Variants in THSD4 observed in about 807,000 individuals in gnomAD.
THSD4 encodes thrombospondin type 1 domain containing 4, also known as thrombospondin type-1 domain-containing protein 4.
In THSD4, 69 loss-of-function variants were observed where a neutral mutation model predicts 119.0. The ratio of observed to expected loss-of-function variants is 0.58; its 90% CI spans 0.48 to 0.71. The LOEUF (loss-of-function observed/expected upper bound fraction) is 0.71, where lower values mean the gene tolerates loss of function less well. Among genes scored for constraint, THSD4 ranks in the 30% least tolerant of loss-of-function variants. The probability of loss-of-function intolerance (pLI) is 0.00; values close to 1 mark genes in which losing one functional copy is unlikely to be tolerated. For missense variants in THSD4, 1,393 were observed against 1,391.1 expected, an observed-to-expected ratio of 1.00 and a Z score of -0.02; for synonymous variants, 524 against 540.4, an observed-to-expected ratio of 0.97 and a Z score of 0.42.
intron 6 of THSD4, among the ~76,000 whole-genome samples, chr15:71,280,358 A>G (rs2044637376): frequency 1.3e-5 from 2 of 152,182 alleles, no homozygotes; most frequent in South Asian, 4.1e-4. Context: ...GTTTGTAAGC[A>G]GGAGAGTAGT....
In THSD4 at chr15:71,559,397, A is replaced by G. The variant is rs374775898; in HGVS notation, c.1153-101133A>G. Among the ~76,000 whole-genome samples, 249 of 152,236 alleles carry G rather than the reference A, an allele frequency of 1.6e-3. 15 individuals are homozygous for G. In the South Asian group the frequency reaches 0.051, roughly 31 times the overall value. ...TTCTAATATCCAGAAATTCCTCAGA[A>G]TGTTTTATCTGGTAATCATATCCTT... is the stretch of plus-strand genomic sequence containing the variant. On this transcript the variant is annotated intron_variant, in intron 7 of 17. Transcript: ENST00000261862.
intron 7 of THSD4, among the ~76,000 whole-genome samples, chr15:71,588,235 G>A (rs1375229843): frequency 4.7e-5 from 7 of 149,988 alleles, no homozygotes; most frequent in Admixed American, 4.0e-4. Flanking sequence ...GAACCCGGGA[G>A]GCGGAGCTTG....
At chr15:71,147,783 A>T (rs2040677697) in intron 2 of THSD4, 1 of 152,070 alleles carries the variant, frequency 6.6e-6, no homozygotes, top group South Asian at 2.1e-4. Context: ...GGGCAACATG[A>T]TGAAACCCTG....
chr15:71,228,068 G>A (rs1240586467), intron 4 of THSD4, among the ~76,000 whole-genome samples: 1 of 152,118 alleles, frequency 6.6e-6, no homozygotes, highest in Non-Finnish European at 1.5e-5. Context: ...AGTCCTGGAG[G>A]CTGTAAATGC....
chr15:71,565,887 T>C (rs1374069630), intron 7 of THSD4, among the ~76,000 whole-genome samples: 1 of 152,138 alleles, frequency 6.6e-6, no homozygotes, highest in Admixed American at 6.6e-5. Context: ...TCTGAGGTGC[T>C]TAGAACAAAG....
intron 7 of THSD4, among the ~76,000 whole-genome samples, chr15:71,517,944 A>C (rs917147319): frequency 4.6e-5 from 7 of 152,234 alleles, no homozygotes; most frequent in African/African-American, 1.7e-4. Flanking sequence ...GAGGGAGGAA[A>C]GTGCTGTGTA....
intron 1 of THSD4, among the ~76,000 whole-genome samples, chr15:71,122,543 T>C (rs2040417257): frequency 6.6e-6 from 1 of 152,224 alleles, no homozygotes; most frequent in Admixed American, 6.5e-5. Flanking sequence ...TGAGCGCATA[T>C]ACGCATAATG....
chr15:71,488,634 A>C (rs2047861199), intron 7 of THSD4, among the ~76,000 whole-genome samples: 1 of 152,074 alleles, frequency 6.6e-6, no homozygotes, highest in Admixed American at 6.5e-5. Context: ...AGTTTAAGTA[A>C]ATTGTATTTT....
chr15:71,156,776 G>A (rs751212178), intron 3 of THSD4, among the ~76,000 whole-genome samples: 7 of 152,238 alleles, frequency 4.6e-5, no homozygotes, highest in Admixed American at 3.3e-4. Flanking sequence ...TGTCAACTCC[G>A]TGAAAGTAGG....
intron 7 of THSD4, among the ~76,000 whole-genome samples, chr15:71,522,780 T>G (rs2048461698): frequency 6.6e-6 from 1 of 152,220 alleles, no homozygotes; most frequent in Non-Finnish European, 1.5e-5. Context: ...AAGGTGTCAG[T>G]GGCAGAGTTT....
At chr15:71,238,778 T>A (rs2044127502) in intron 4 of THSD4, among the ~76,000 whole-genome samples, 1 of 152,248 alleles carries the variant, frequency 6.6e-6, no homozygotes, top group Non-Finnish European at 1.5e-5. Flanking sequence ...TATATACAAA[T>A]GTATGTTTTC....
chr15:71,361,165 T>C (rs181884401), intron 6 of THSD4, among the ~76,000 whole-genome samples: 122 of 152,296 alleles, frequency 8.0e-4, no homozygotes, highest in African/African-American at 2.6e-3. Context: ...TGGACTTGAT[T>C]CTGTAGGTAA....
chr15:71,571,409 G>A (rs11072302), intron 7 of THSD4, among the ~76,000 whole-genome samples: 112,033 of 151,908 alleles, frequency 0.74, 41,895 homozygotes, highest in East Asian at 0.91. Flanking sequence ...CCCTTTGCCT[G>A]AAAGTTTCTG....
intron 13 of THSD4, 73 bp from the exon 14 acceptor site, chr15:71,748,348 G>A (rs932829387): frequency 1.7e-5 from 26 of 1,568,466 alleles, no homozygotes; most frequent in South Asian, 4.8e-5. Flanking sequence ...CAAAGGCTGC[G>A]GGCTCCATAC....
At chr15:71,225,300 G>C (rs536952879) in intron 4 of THSD4, among the ~76,000 whole-genome samples, 1 of 152,294 alleles carries the variant, frequency 6.6e-6, no homozygotes, top group Non-Finnish European at 1.5e-5. Flanking sequence ...TCAGAGTTCA[G>C]TCCTCAGCTC....
intron 6 of THSD4, among the ~76,000 whole-genome samples, chr15:71,282,552 G>A (rs551441841): frequency 6.6e-6 from 1 of 152,208 alleles, no homozygotes; most frequent in East Asian, 1.9e-4. Context: ...TCCTAGCTAA[G>A]CTCTGCTCCT....
At chr15:71,759,325 A>T (rs915391608) in intron 15 of THSD4, among the ~76,000 whole-genome samples, 1 of 152,206 alleles carries the variant, frequency 6.6e-6, no homozygotes, top group Non-Finnish European at 1.5e-5. Flanking sequence ...CACATTTGCT[A>T]ACTGATCCCA....
chr15:71,545,773 C>A (rs2048827903), intron 7 of THSD4, among the ~76,000 whole-genome samples: 1 of 152,002 alleles, frequency 6.6e-6, no homozygotes, highest in South Asian at 2.1e-4. Context: ...CTCACTATAC[C>A]TTTTTTTCTC....
At chr15:71,409,334 T>C (rs961018063) in intron 6 of THSD4, among the ~76,000 whole-genome samples, 1 of 152,150 alleles carries the variant, frequency 6.6e-6, no homozygotes, top group Non-Finnish European at 1.5e-5. Flanking sequence ...TTACTTACAA[T>C]GCAATGCACC....
Sources: gnomAD v4.1 joint callset for allele counts (sites outside exome capture counted in the v4.1 genomes callset) on GRCh38, gnomAD v4.1.1 for gene constraint, MANE v1.5 for transcripts, NCBI Gene and HGNC (gene_info 2026-07-23, HGNC 2026-07-21) for gene names.